The following AFAP1 variants were observed in gnomAD, a reference collection of about 807,000 sequenced individuals.
AFAP1 encodes actin filament-associated protein 1.
A neutral mutation model predicts 93.9 loss-of-function variants in AFAP1; 75 were observed. The ratio of observed to expected loss-of-function variants is 0.80; its 90% confidence interval spans 0.66 to 0.97. AFAP1 has a LOEUF of 0.97. Among genes scored for constraint, AFAP1 ranks in the 50% least tolerant of loss-of-function variants. AFAP1 has a pLI of 0.00. For missense variants in AFAP1, 1,201 were observed against 1,050.8 expected (o/e 1.14, Z -1.98); for synonymous variants, 517 against 430.7 (o/e 1.20, Z -2.48).
chr4:7,770,631 A>G (rs1315661369), intron 16 of AFAP1, among the ~76,000 whole-genome samples: 1 of 152,156 alleles, frequency 6.6e-6, no homozygotes, highest in Non-Finnish European at 1.5e-5. Flanking sequence ...AAATGCTTGG[A>G]AAAAGCTGAC....
intron 1 of AFAP1, among the ~76,000 whole-genome samples, chr4:7,897,639 T>C (rs1244611484): frequency 6.6e-6 from 1 of 152,134 alleles, no homozygotes; most frequent in East Asian, 1.9e-4. Context: ...TTCTCCTGCC[T>C]CAGCCTCCAG....
At chr4:7,843,404 C>T (rs1713296796) in intron 4 of AFAP1, 54 bp from the exon 5 acceptor site, 2 of 1,498,904 alleles carry the variant, frequency 1.3e-6, no homozygotes, top group Non-Finnish European at 1.8e-6. Flanking sequence ...TTGAAGTTTA[C>T]CCGTGGGCTC....
rs182217093 is a variant in AFAP1, at chr4:7,890,894, A to C, written c.-2-18814T>G. Among the ~76,000 whole-genome samples, 173 of 152,336 alleles carry C rather than the reference A, an allele frequency of 1.1e-3. 1 individual carries two copies. The highest frequency in any genetic ancestry group is 4.0e-3 in the African/African-American group (165 of 41,574). On this transcript the variant is annotated intron_variant, in intron 1 of 17. Transcript: ENST00000420658. ...TAAATTTAAATGTACACGTACCATGAGATCCAGTAATGCCACTCCTGGCTA... is the reference window on the plus strand; with the variant it reads ...TAAATTTAAATGTACACGTACCATGCGATCCAGTAATGCCACTCCTGGCTA...
At chr4:7,896,879 G>A (rs182252248) in intron 1 of AFAP1, among the ~76,000 whole-genome samples, 129 of 132,016 alleles carry the variant, frequency 9.8e-4, no homozygotes, top group African/African-American at 3.3e-3. Context: ...CCAACCGCCC[G>A]GCAGCACATG....
At chr4:7,787,741 A>T (rs978371493) in intron 11 of AFAP1, among the ~76,000 whole-genome samples, 8 of 152,142 alleles carry the variant, frequency 5.3e-5, no homozygotes, top group Non-Finnish European at 1.2e-4. Flanking sequence ...CCTCCGCCCA[A>T]CACCCCCAGG....
chr4:7,825,376 T>C (rs1721331638), intron 6 of AFAP1, among the ~76,000 whole-genome samples: 1 of 152,246 alleles, frequency 6.6e-6, no homozygotes, highest in African/African-American at 2.4e-5. Flanking sequence ...CACCAAGACG[T>C]GGCCTTTACA....
rs775522048 is a variant in AFAP1 at position 7,772,971 on chromosome 4, T to C, written c.2102A>G (p.Gln701Arg). 8.1e-6 allele frequency: 13 copies of C among 1,612,640 alleles called. No homozygotes were observed. The highest frequency in any genetic ancestry group is 8.5e-6 in the Non-Finnish European group (10 of 1,180,008). Residue 701 changes from glutamine to arginine, a missense_variant, in exon 16 of 18, where the codon CAG (glutamine) becomes CGG (arginine). Gln to Arg is a conservative substitution (Grantham distance 43, BLOSUM62 1). Coordinates refer to ENST00000420658, the MANE Select transcript of AFAP1 (RefSeq NM_001134647.2). ...CTTCTGCCGGCACTCCTCCTCCAGCTGCTTCAGCTTCTCCTCCAGGATCGC... is the reference window on the plus strand; with the variant it reads ...CTTCTGCCGGCACTCCTCCTCCAGCCGCTTCAGCTTCTCCTCCAGGATCGC... ...PQAILEEKLK[Q>R]LEEECRQKEA... is the part of the protein sequence containing the mutation.
At chr4:7,891,702 G>A (rs1262985444) in intron 1 of AFAP1, among the ~76,000 whole-genome samples, 3 of 148,258 alleles carry the variant, frequency 2.0e-5, no homozygotes, top group African/African-American at 5.0e-5. Context: ...AAAAACAAAG[G>A]GGAAAGAAAA....
intron 14 of AFAP1, chr4:7,778,381 C>T (rs1021438752): frequency 9.5e-6 from 3 of 316,042 alleles, no homozygotes; most frequent in Non-Finnish European, 1.8e-5. Flanking sequence ...CTACGTCTGA[C>T]AGATAAAGAT....
At chr4:7,842,686 T>TA (rs143770762) in intron 5 of AFAP1, 615 of 136,334 alleles carry the variant, frequency 4.5e-3, no homozygotes, top group South Asian at 0.017. Flanking sequence ...CTCTCAAATT[T>TA]AAAAAAAAAA....
At chr4:7,835,943 G>A (rs1047045058) in intron 6 of AFAP1, among the ~76,000 whole-genome samples, 13 of 152,112 alleles carry the variant, frequency 8.5e-5, no homozygotes, top group Non-Finnish European at 1.6e-4. Context: ...ACTAATTTTG[G>A]AGCGCTAACA....
At chr4:7,921,153 T>C (rs1720421198) in intron 1 of AFAP1, among the ~76,000 whole-genome samples, 1 of 150,362 alleles carries the variant, frequency 6.7e-6, no homozygotes. Flanking sequence ...TCAGCTTCAG[T>C]TTCCTACCCT....
intron 1 of AFAP1, among the ~76,000 whole-genome samples, chr4:7,898,808 A>AGAGT (rs376959896): frequency 7.3e-6 from 1 of 136,956 alleles, no homozygotes; most frequent in African/African-American, 2.7e-5. Flanking sequence ...GGGCAGTAGA[A>AGAGT]GTGTGTGTGT....
chr4:7,918,052 T>C, intron 1 of AFAP1, among the ~76,000 whole-genome samples: 1 of 152,188 alleles, frequency 6.6e-6, no homozygotes, highest in East Asian at 1.9e-4. Context: ...AAAGAACTAG[T>C]GCACAGCCCC....
chr4:7,851,657 G>T (rs1032110730), intron 4 of AFAP1, among the ~76,000 whole-genome samples: 4 of 152,140 alleles, frequency 2.6e-5, no homozygotes, highest in Non-Finnish European at 5.9e-5. Context: ...ATGATGGCAG[G>T]AATAGAGGTT....
In AFAP1 at chr4:7,768,877, G is replaced by C. The variant is rs1428240220; in HGVS notation, c.2385C>G (p.Ser795=). 1.2e-6 allele frequency: 2 copies of C among 1,607,530 alleles called. No homozygotes were observed. The highest frequency in any genetic ancestry group is 4.5e-5 in the East Asian group (2 of 44,660). The change falls in exon 17 of 18, where the codon TCC becomes TCG. Residue 795 remains serine, a synonymous_variant. Transcript: ENST00000420658. Reference sequence around the variant, plus strand: ...TCCGCAGCACATGCCCTCGGCAGGGGGAGCTGCCCGGGGCAGCCTGGCTCT... The same window carrying C: ...TCCGCAGCACATGCCCTCGGCAGGGCGAGCTGCCCGGGGCAGCCTGGCTCT... The part of the protein sequence containing the change: ...LKKSQAAPGS[S]PCRGHVLRKA...
intron 17 of AFAP1, among the ~76,000 whole-genome samples, chr4:7,766,976 C>T (rs1387463716): frequency 1.3e-5 from 2 of 151,886 alleles, no homozygotes; most frequent in African/African-American, 4.8e-5. Context: ...ACGTCAGACC[C>T]CTTGGTCCCC....
intron 6 of AFAP1, 40 bp downstream of exon 6, chr4:7,838,484 G>C (rs768483442): frequency 2.0e-5 from 32 of 1,568,708 alleles, no homozygotes; most frequent in Non-Finnish European, 2.5e-5. Flanking sequence ...AGAAAGGCAT[G>C]TGGAACTGAA....
At chr4:7,926,250 A>T (rs1378315973) in intron 1 of AFAP1, among the ~76,000 whole-genome samples, 1 of 152,188 alleles carries the variant, frequency 6.6e-6, no homozygotes, top group African/African-American at 2.4e-5. Context: ...ACACTACCCC[A>T]CAGTTCTATT....
Sources: gnomAD v4.1 joint callset for allele counts (sites outside exome capture counted in the v4.1 genomes callset) on GRCh38, gnomAD v4.1.1 for gene constraint, MANE v1.5 for transcripts, NCBI Gene and HGNC (gene_info 2026-07-23, HGNC 2026-07-21) for gene names.